Variants in TTC27 observed in about 807,000 individuals in gnomAD.
TTC27 encodes tetratricopeptide repeat domain 27.
A neutral mutation model predicts 115.9 loss-of-function variants in TTC27; 79 were observed. The ratio of observed to expected loss-of-function variants is 0.68; its 90% CI spans 0.57 to 0.82. The LOEUF (loss-of-function observed/expected upper bound fraction) is 0.82, where lower values mean the gene tolerates loss of function less well. TTC27 is among the 40% of genes least tolerant of loss of function. The pLI, the probability that TTC27 is intolerant of heterozygous loss-of-function variation, is 0.00. For missense variants in TTC27, 1,054 were observed against 993.1 expected, an observed-to-expected ratio of 1.06 and a Z score of -0.82; for synonymous variants, 401 against 356.0, an observed-to-expected ratio of 1.13 and a Z score of -1.42.
intron 15 of TTC27, among the ~76,000 whole-genome samples, chr2:32,784,516 T>A (rs1374110308): frequency 6.6e-6 from 1 of 152,230 alleles, no homozygotes; most frequent in Non-Finnish European, 1.5e-5. Flanking sequence ...AAGTGCTCTC[T>A]TTGCTGTTTC....
intron 13 of TTC27, among the ~76,000 whole-genome samples, chr2:32,763,219 A>T (rs1314038369): frequency 6.6e-6 from 1 of 152,212 alleles, no homozygotes; most frequent in East Asian, 1.9e-4. Context: ...TGAATGCTGT[A>T]ATTGTACAGA....
chr2:32,799,024 G>C (rs1300252835), intron 16 of TTC27, among the ~76,000 whole-genome samples: 1 of 152,146 alleles, frequency 6.6e-6, no homozygotes, highest in Non-Finnish European at 1.5e-5. Context: ...ACAAAATGTG[G>C]TATGTACATA....
rs745652727 is a variant in TTC27, at chr2:32,777,900, C to T, written c.1699C>T (p.Leu567Phe). The T allele has an allele frequency of 4.7e-5, 76 of 1,613,850 alleles. No individual in the cohort carries two copies. The highest frequency in any genetic ancestry group is 9.3e-6 in the Non-Finnish European group (11 of 1,180,000). ...TTTGCAGCTCGGGGTGTGGTTTTCT[C>T]TCGGTTGTGCCTATTTGGCCTTGGA... ...NPMQLGVWFS[L>F]GCAYLALEDY... Residue 567 changes from leucine to phenylalanine, a missense_variant, in exon 14 of 20, where the codon CTC becomes TTC. Transcript: ENST00000317907.
chr2:32,664,416 G>A lies in TTC27; in HGVS notation c.754G>A (p.Asp252Asn). 1 of 1,612,132 alleles carries A rather than the reference G, an allele frequency of 6.2e-7. No homozygotes were observed. The highest frequency in any genetic ancestry group is 8.5e-7 in the Non-Finnish European group (1 of 1,179,424). Residue 252 changes from aspartate to asparagine, a missense_variant, in exon 6 of 20, where the codon GAT becomes AAT. Physicochemically the swap from Asp to Asn is conservative, Grantham distance 23 (BLOSUM62 1). Coordinates refer to ENST00000317907, the MANE Select transcript of TTC27 (RefSeq NM_017735.5). Reference protein sequence around the residue: ...LYYYEYRKAKDQLDIAKDISQ... With the variant: ...LYYYEYRKAKNQLDIAKDISQ... ...TTATTATGAGTACAGAAAAGCAAAA[G>A]ATCAGTTGGATATTGCTAAGGACAT...
chr2:32,634,648 T>A (rs558057071), intron 3 of TTC27, among the ~76,000 whole-genome samples: 1 of 151,802 alleles, frequency 6.6e-6, no homozygotes, highest in African/African-American at 2.4e-5. Context: ...GGTAAGTTTT[T>A]AACTAATTAA....
intron 10 of TTC27, among the ~76,000 whole-genome samples, chr2:32,732,128 T>C (rs1309858931): frequency 6.6e-6 from 1 of 152,242 alleles, no homozygotes; most frequent in Non-Finnish European, 1.5e-5. Context: ...TTTTATGAAG[T>C]AACTCAGTGA....
chr2:32,668,107 C>T (rs1440587561), intron 7 of TTC27, among the ~76,000 whole-genome samples: 7 of 151,668 alleles, frequency 4.6e-5, no homozygotes, highest in Non-Finnish European at 1.0e-4. Flanking sequence ...AGGAGAATGG[C>T]GTGAATCTGG....
At chr2:32,795,693 C>A (rs556802559) in intron 16 of TTC27, among the ~76,000 whole-genome samples, 180 of 145,256 alleles carry the variant, frequency 1.2e-3, no homozygotes, top group African/African-American at 4.4e-3. Flanking sequence ...GCTGGGACTA[C>A]AGGCACATGT....
At chr2:32,690,890 G>A (rs533669085) in intron 9 of TTC27, among the ~76,000 whole-genome samples, 1 of 152,266 alleles carries the variant, frequency 6.6e-6, no homozygotes, top group East Asian at 1.9e-4. Context: ...GTATTTCTTT[G>A]TTCCTTGCTT....
At chr2:32,772,289 T>C (rs932689668) in intron 13 of TTC27, among the ~76,000 whole-genome samples, 3 of 152,202 alleles carry the variant, frequency 2.0e-5, no homozygotes, top group African/African-American at 7.2e-5. Flanking sequence ...AAGCCAGTTA[T>C]TTCCTTTGTA....
chr2:32,763,546 CA>C (rs1230001070), intron 13 of TTC27, among the ~76,000 whole-genome samples: 4 of 152,116 alleles, frequency 2.6e-5, no homozygotes, highest in African/African-American at 9.7e-5. Context: ...GGCTATTGTC[CA>C]TCTTTTAGAT....
chr2:32,742,557 A>C (rs1311932892), intron 12 of TTC27, among the ~76,000 whole-genome samples: 2 of 152,202 alleles, frequency 1.3e-5, no homozygotes, highest in African/African-American at 4.8e-5. Flanking sequence ...TGTAGCTGGG[A>C]GTGTCTGATG....
Position 32,810,962 on chromosome 2 carries a change from T to C in TTC27, c.1999-62T>C. On this transcript the variant is annotated intron_variant, in intron 16 of 19. Transcript: ENST00000317907. Reference sequence around the variant, plus strand: ...TTGTCTTTGATGATGGTGAGATAGCTCTTTGTTTTTGTTATTGTTTGTTGG... The same window carrying C: ...TTGTCTTTGATGATGGTGAGATAGCCCTTTGTTTTTGTTATTGTTTGTTGG... 4 of 1,537,064 alleles carry C rather than the reference T, an allele frequency of 2.6e-6. No individual in the cohort carries two copies. In the South Asian group the frequency reaches 4.5e-5, roughly 17 times the overall value.
chr2:32,794,708 A>G (rs1424684222), intron 16 of TTC27, among the ~76,000 whole-genome samples: 1 of 152,150 alleles, frequency 6.6e-6, no homozygotes, highest in African/African-American at 2.4e-5. Context: ...GGACTAAGGA[A>G]AAAAAGAGAA....
At position 32,794,684 on chromosome 2, in the gene TTC27, A is replaced by G. The variant is rs114798967; in HGVS notation, c.1998+7535A>G. Among the ~76,000 whole-genome samples the G allele has an allele frequency of 9.9e-3, 1,505 of 152,204 alleles. 20 individuals carry two copies. The highest frequency in any genetic ancestry group is 0.035 in the African/African-American group (1,463 of 41,548). On this transcript the variant is annotated intron_variant, in intron 16 of 19. Coordinates refer to ENST00000317907, the MANE Select transcript of TTC27 (RefSeq NM_017735.5). ...TTGAAAAGATTAATAAAATGGACAA[A>G]CCTTTAGATAGATGGACTAAGGAAA...
At chr2:32,635,597 T>C (rs1664389434) in intron 3 of TTC27, among the ~76,000 whole-genome samples, 1 of 152,036 alleles carries the variant, frequency 6.6e-6, no homozygotes, top group South Asian at 2.1e-4. Flanking sequence ...GGCAGGACAA[T>C]TGCTTGAACC....
intron 10 of TTC27, among the ~76,000 whole-genome samples, chr2:32,731,223 G>C (rs1350114300): frequency 6.6e-6 from 1 of 151,856 alleles, no homozygotes; most frequent in Non-Finnish European, 1.5e-5. Flanking sequence ...GCCTCAGCTG[G>C]GATTACAGGC....
At chr2:32,700,093 C>T (rs78860272) in intron 9 of TTC27, among the ~76,000 whole-genome samples, 4,162 of 152,282 alleles carry the variant, frequency 0.027, 132 homozygotes, top group African/African-American at 0.077. Flanking sequence ...CCCATGCCCA[C>T]TCCGGAGAGG....
chr2:32,777,903 G>C lies in TTC27; in HGVS notation c.1702G>C (p.Gly568Arg). ...GCAGCTCGGGGTGTGGTTTTCTCTC[G>C]GTTGTGCCTATTTGGCCTTGGAAGA... The part of the protein sequence containing the change: ...PMQLGVWFSL[G>R]CAYLALEDYQ... The change falls in exon 14 of 20, where the codon GGT (glycine) becomes CGT (arginine). Residue 568 changes from glycine to arginine, a missense_variant. Coordinates refer to ENST00000317907, the MANE Select transcript of TTC27 (RefSeq NM_017735.5). 1 of 1,613,968 alleles carries C rather than the reference G, an allele frequency of 6.2e-7. No homozygotes were observed. The highest frequency in any genetic ancestry group is 1.1e-5 in the South Asian group (1 of 91,062).
Sources: gnomAD v4.1 joint callset for allele counts (sites outside exome capture counted in the v4.1 genomes callset) on GRCh38, gnomAD v4.1.1 for gene constraint, MANE v1.5 for transcripts, NCBI Gene and HGNC (gene_info 2026-07-23, HGNC 2026-07-21) for gene names.